The following ADGRG1 variants were observed in gnomAD, a reference collection of about 807,000 sequenced individuals.
ADGRG1 encodes adhesion G protein-coupled receptor G1, also known as 7-transmembrane protein with no EGF-like N-terminal domains-1.
Under a neutral mutation model 73.5 loss-of-function variants are expected in ADGRG1, and 53 were observed. The ratio of observed to expected loss-of-function variants is 0.72; its 90% CI spans 0.58 to 0.91. The LOEUF (loss-of-function observed/expected upper bound fraction) is 0.91, where lower values mean the gene tolerates loss of function less well. Ranked by LOEUF, ADGRG1 falls within the 40% of genes least tolerant of loss-of-function variation. The pLI is 0.00. For synonymous variants in ADGRG1, 394 were observed against 374.4 expected (o/e 1.05, Z -0.60); for missense variants, 795 against 871.8 (o/e 0.91, Z 1.11).
chr16:57,630,052 A>G (rs2037327557), intron 1 of ADGRG1: 1 of 974,168 alleles, frequency 1.0e-6, no homozygotes, highest in Non-Finnish European at 1.2e-6. Flanking sequence ...CAAGAAAGTT[A>G]TTTATAGAAG....
At chr16:57,630,074 C>T (rs867635602) in intron 1 of ADGRG1, 170 of 907,728 alleles carry the variant, frequency 1.9e-4, no homozygotes, top group African/African-American at 1.0e-3. Context: ...ATTTATTGAG[C>T]GCTTACTGTG....
intron 1 of ADGRG1, chr16:57,635,124 G>A (rs1301332817): frequency 1.0e-6 from 1 of 985,146 alleles, no homozygotes; most frequent in African/African-American, 1.7e-5. Context: ...GAATCTTCAG[G>A]ACCCCTTGCT....
chr16:57,651,518 G>C lies in ADGRG1; in HGVS notation c.383G>C (p.Ser128Thr). The change falls in exon 3 of 14, where the codon AGC becomes ACC. Residue 128 changes from serine (S) to threonine (T), a missense_variant. Coordinates refer to ENST00000562631, the MANE Select transcript of ADGRG1 (RefSeq NM_201525.4). ...CTCTGCTTCCAGCACCAGGAGGAGAGCCTGGCTCAGGGCCCCCCGCTGTTA... is the reference window on the plus strand; with the variant it reads ...CTCTGCTTCCAGCACCAGGAGGAGACCCTGGCTCAGGGCCCCCCGCTGTTA... ...SLLCFQHQEESLAQGPPLLAT... is the reference protein window; with the variant it reads ...SLLCFQHQEETLAQGPPLLAT... 4 of 1,614,234 alleles carry C rather than the reference G, an allele frequency of 2.5e-6. No individual in the cohort carries two copies. The highest frequency in any genetic ancestry group is 3.4e-6 in the Non-Finnish European group (4 of 1,180,046).
chr16:57,657,581 G>T, intron 10 of ADGRG1, 90 bp downstream of exon 10: 6 of 998,670 alleles, frequency 6.0e-6, no homozygotes, highest in Non-Finnish European at 9.5e-6. Flanking sequence ...GTCATGGCCC[G>T]CCCGCATGAC....
intron 1 of ADGRG1, chr16:57,646,317 C>A: frequency 1.1e-6 from 1 of 925,330 alleles, no homozygotes; most frequent in African/African-American, 1.8e-5. Context: ...AGGGCTGAGC[C>A]AGGTCTGGAG....
chr16:57,651,615 C>G lies in ADGRG1; in HGVS notation c.480C>G (p.Ser160=), dbSNP rs2148247439. 1 of 1,613,718 alleles carries G rather than the reference C, an allele frequency of 6.2e-7. No individual in the cohort carries two copies. The highest frequency in any genetic ancestry group is 8.5e-7 in the Non-Finnish European group (1 of 1,179,988). The change falls in exon 3 of 14, where the codon TCC becomes TCG. Residue 160 remains serine, a synonymous_variant. Transcript: ENST00000562631. ...SLPSAASFTF[S]FHSPPHTAAH... ...CCAGTGCCGCCAGCTTCACCTTCTC[C>G]TTCCACAGTAAGGCAACTTCCAGGC...
chr16:57,620,710 G>C (rs1398314419), upstream of ADGRG1: 2 of 152,264 alleles, frequency 1.3e-5, no homozygotes, highest in African/African-American at 4.8e-5. Context: ...CCCCCCAGCT[G>C]CCTGCACCCA....
intron 1 of ADGRG1, chr16:57,641,085 T>C (rs573911052): frequency 1.4e-5 from 14 of 976,084 alleles, no homozygotes; most frequent in Middle Eastern, 5.2e-4. Flanking sequence ...TTCTTACCTG[T>C]AGGCATCCTG....
chr16:57,662,816 C>T, intron 13 of ADGRG1: 2 of 373,536 alleles, frequency 5.4e-6, no homozygotes, highest in Non-Finnish European at 7.4e-6. Flanking sequence ...GCATGCACAC[C>T]CCTCTGTTCC....
chr16:57,648,742 A>G (rs780826195), intron 1 of ADGRG1: 37 of 981,250 alleles, frequency 3.8e-5, no homozygotes, highest in Non-Finnish European at 4.5e-5. Context: ...CGCGCCACGC[A>G]GGATGAGGTT....
intron 1 of ADGRG1, among the ~76,000 whole-genome samples, chr16:57,638,828 T>G (rs2147638088): frequency 1.3e-5 from 2 of 152,130 alleles, no homozygotes; most frequent in South Asian, 4.2e-4. Flanking sequence ...TCCCAGCACT[T>G]TGGGAGGCCG....
At chr16:57,659,106 T>C in intron 10 of ADGRG1, 1 of 985,320 alleles carries the variant, frequency 1.0e-6, no homozygotes, top group African/African-American at 1.7e-5. Context: ...AATGCCAAAG[T>C]GTTTCCGCTC....
chr16:57,627,175 G>A (rs2036006513), upstream of ADGRG1: 2 of 774,464 alleles, frequency 2.6e-6, no homozygotes, highest in Non-Finnish European at 3.1e-6. Context: ...TAGGTGAGGA[G>A]TGCAGTTCAC....
At position 57,638,413 on chromosome 16, in the gene ADGRG1, G is replaced by A. The variant is rs2039900265; in HGVS notation, c.-36+9611G>A. 2.0e-5 allele frequency among the ~76,000 whole-genome samples: 3 copies of A among 152,242 alleles called. No homozygotes were observed. In the South Asian group the frequency reaches 6.2e-4, roughly 32 times the overall value. On this transcript the variant is annotated intron_variant, in intron 1 of 13. Transcript: ENST00000562631. ...CAGTGTAGTTCCTGGCACACAGTAGGAGTTTCAGAAGCTCTGCCTCTATTT... is the reference window on the plus strand; with the variant it reads ...CAGTGTAGTTCCTGGCACACAGTAGAAGTTTCAGAAGCTCTGCCTCTATTT...
At position 57,663,507 on chromosome 16, in the gene ADGRG1, C is replaced by T. The variant is rs746178991; in HGVS notation, c.1989C>T (p.Pro663=). 8.1e-6 allele frequency: 13 copies of T among 1,613,882 alleles called. No homozygotes were observed. The highest frequency in any genetic ancestry group is 8.0e-5 in the African/African-American group (6 of 74,946). Residue 663 remains proline, a synonymous_variant, in exon 14 of 14, where the codon CCC becomes CCT. Transcript: ENST00000562631. ...TGCGGCTGCAGGCCCGGGGTGGCCC[C>T]TCCCCTCTGAAGAGCAACTCAGACA... ...WSMRLQARGG[P]SPLKSNSDSA...
At chr16:57,625,598 G>A (rs1165772238), upstream of ADGRG1, 1 of 980,686 alleles carries the variant, frequency 1.0e-6, no homozygotes, top group Non-Finnish European at 1.2e-6. Flanking sequence ...CTGGCGTCTA[G>A]ACCAGGGCTT....
chr16:57,638,753 G>A (rs191283343), intron 1 of ADGRG1, among the ~76,000 whole-genome samples: 1 of 152,154 alleles, frequency 6.6e-6, no homozygotes, highest in African/African-American at 2.4e-5. Flanking sequence ...TTGGTTACTG[G>A]GTGGCCTGCA....
intron 1 of ADGRG1, chr16:57,640,875 T>G (rs1895615989): frequency 1.0e-6 from 1 of 985,344 alleles, no homozygotes. Flanking sequence ...GTAGTTGAAC[T>G]GCTAAGCAAG....
intron 1 of ADGRG1, chr16:57,639,902 G>C: frequency 1.0e-6 from 1 of 968,438 alleles, no homozygotes; most frequent in Non-Finnish European, 1.2e-6. Context: ...GGGACCCTGG[G>C]GGGGTCAGAT....
Sources: allele counts gnomAD v4.1 joint callset (sites outside exome capture counted in the v4.1 genomes callset), GRCh38; gene constraint gnomAD v4.1.1; transcripts MANE v1.5; gene names NCBI Gene and HGNC (gene_info 2026-07-23, HGNC 2026-07-21).